Variants in GALNT6 observed in about 807,000 individuals in gnomAD.
GALNT6 encodes polypeptide N-acetylgalactosaminyltransferase 6, also known as GalNAc transferase 6.
Under a neutral mutation model 65.9 loss-of-function variants are expected in GALNT6, and 51 were observed. The ratio of observed to expected loss-of-function variants is 0.77; its 90% CI spans 0.62 to 0.98. The LOEUF is 0.98. Among genes scored for constraint, GALNT6 ranks in the 50% least tolerant of loss-of-function variants. The pLI is 0.00. For missense variants in GALNT6, 708 were observed against 803.3 expected (o/e 0.88, Z 1.43); for synonymous variants, 323 against 315.1 (o/e 1.02, Z -0.26).
At chr12:51,364,409 A>G in intron 5 of GALNT6, 54 bp from the exon 6 acceptor site, 1 of 1,272,466 alleles carries the variant, frequency 7.9e-7, no homozygotes, top group Non-Finnish European at 1.1e-6. Flanking sequence ...AGCAGAGCCC[A>G]AGCTGCATCC....
In GALNT6 at chr12:51,379,746, G is replaced by A; in HGVS notation, c.36C>T (p.Arg12=). Residue 12 remains arginine (R), a synonymous_variant, in exon 3 of 12, where the codon CGC becomes CGT. Transcript: ENST00000356317. ...CAAAGGCGCAGCCCACCATGGCCAG[G>A]CGCAGGGGCATGTGGCGTCTGCGGA... is the stretch of plus-strand genomic sequence containing the variant. ...RLLRRRHMPL[R]LAMVGCAFVL... 1 of 1,611,920 alleles carries A rather than the reference G, an allele frequency of 6.2e-7. No individual in the cohort carries two copies. The highest frequency in any genetic ancestry group is 8.5e-7 in the Non-Finnish European group (1 of 1,179,874).
chr12:51,359,272 G>A lies in GALNT6; in HGVS notation c.1228C>T (p.Arg410Trp), dbSNP rs763550874. 1.4e-5 allele frequency: 22 copies of A among 1,613,918 alleles called. No homozygotes were observed. The highest frequency in any genetic ancestry group is 5.3e-5 in the African/African-American group (4 of 74,900). ...GGGAAGGTGTGGGGGCTCTTGGTCC[G>A]GAACACATGGCCTACGACAGAGCAG... ...IPCSVVGHVF[R>W]TKSPHTFPKG... The change falls in exon 8 of 12, where the codon CGG (arginine) becomes TGG (tryptophan). Residue 410 changes from arginine (R) to tryptophan (W), a missense_variant. Arg to Trp is a moderately radical substitution (Grantham distance 101). Coordinates refer to ENST00000356317, the MANE Select transcript of GALNT6 (RefSeq NM_007210.4).
At chr12:51,372,333 C>G (rs556882135) in intron 4 of GALNT6, among the ~76,000 whole-genome samples, 1 of 152,248 alleles carries the variant, frequency 6.6e-6, no homozygotes, top group South Asian at 2.1e-4. Context: ...CTCAGCCTCT[C>G]GAGTAGCTGG....
intron 6 of GALNT6, among the ~76,000 whole-genome samples, chr12:51,361,748 T>C (rs889588988): frequency 1.3e-5 from 2 of 151,666 alleles, no homozygotes; most frequent in African/African-American, 4.9e-5. Flanking sequence ...TGGGGGCCGG[T>C]GAGACATGGC....
At chr12:51,375,926 T>C (rs1275086244) in intron 4 of GALNT6, among the ~76,000 whole-genome samples, 1 of 151,956 alleles carries the variant, frequency 6.6e-6, no homozygotes, top group Non-Finnish European at 1.5e-5. Flanking sequence ...AGTGGTGCCA[T>C]CTTGGCTCAC....
In GALNT6 at chr12:51,354,115, C is replaced by T; in HGVS notation, c.*264G>A. ...GCTGCCCTGAACCCTCCCCCAGCTG[C>T]CTTCCCTACTTTGGGAGCCTCTATT... On this transcript the variant is annotated 3_prime_UTR_variant, in exon 12 of 12. Coordinates refer to ENST00000356317, the MANE Select transcript of GALNT6 (RefSeq NM_007210.4). 2.7e-6 allele frequency: 1 copy of T among 372,922 alleles called. No homozygotes were observed. The highest frequency in any genetic ancestry group is 4.7e-6 in the Non-Finnish European group (1 of 211,314). 23.1% of individuals were successfully genotyped at this position (372,922 alleles called of 1,614,324 possible).
intron 2 of GALNT6, among the ~76,000 whole-genome samples, chr12:51,389,346 C>T (rs1316602929): frequency 6.6e-6 from 1 of 152,334 alleles, no homozygotes; most frequent in South Asian, 2.1e-4. Flanking sequence ...AATCAAGTTA[C>T]AGTTATCTTC....
At chr12:51,365,603 G>T in intron 4 of GALNT6, 24 bp from the exon 5 acceptor site, 7 of 1,609,732 alleles carry the variant, frequency 4.3e-6, no homozygotes, top group Non-Finnish European at 5.1e-6. Flanking sequence ...TGTCATTGTG[G>T]CCAGTCCACC....
At chr12:51,364,426 G>T in intron 5 of GALNT6, 71 bp from the exon 6 acceptor site, 1 of 1,055,596 alleles carries the variant, frequency 9.5e-7, no homozygotes. Context: ...ATCCTGGAGG[G>T]AATGCCCAGG....
In GALNT6 at chr12:51,364,245, C is replaced by T. The variant is rs141181030; in HGVS notation, c.925G>A (p.Ala309Thr). Residue 309 changes from alanine to threonine, a missense_variant, in exon 6 of 12, where the codon GCC (alanine) becomes ACC (threonine). Ala to Thr is a moderately conservative substitution (Grantham distance 58). Transcript: ENST00000356317. The stretch of plus-strand genomic sequence containing the variant: ...ACTCTGCCCCTCTGGACGGGCTTGG[C>T]GAACTCAAAAGTATTAAGGTCGATG... ...VTIDLNTFEF[A>T]KPVQRGRVHS... 4.1e-4 allele frequency: 665 copies of T among 1,614,040 alleles called. 1 individual carries two copies. In the African/African-American group the frequency reaches 8.0e-3, roughly 19 times the overall value.
At chr12:51,358,363 C>T in intron 8 of GALNT6, 102 bp from the exon 9 acceptor site, 1 of 1,351,272 alleles carries the variant, frequency 7.4e-7, no homozygotes, top group Non-Finnish European at 1.0e-6. Flanking sequence ...TGCAGTGGTG[C>T]AATCTCGGCT....
At chr12:51,368,482 A>G (rs1947185075) in intron 4 of GALNT6, among the ~76,000 whole-genome samples, 1 of 147,994 alleles carries the variant, frequency 6.8e-6, no homozygotes, top group African/African-American at 2.5e-5. Flanking sequence ...TCGACTCACC[A>G]CAACCTCCAC....
intron 4 of GALNT6, among the ~76,000 whole-genome samples, chr12:51,373,998 C>A (rs565200433): frequency 6.6e-6 from 1 of 152,080 alleles, no homozygotes; most frequent in South Asian, 2.1e-4. Context: ...TAGCTGGAAC[C>A]ACAGGCACAT....
intron 10 of GALNT6, among the ~76,000 whole-genome samples, chr12:51,357,096 TAGCCTCCTCA>T (rs1946770002): frequency 6.6e-6 from 1 of 152,292 alleles, no homozygotes; most frequent in African/African-American, 2.4e-5. Flanking sequence ...CCCCAGCAGC[TAGCCTCCTCA>T]AGCCTCCTCT....
chr12:51,389,702 C>T (rs1947966916), intron 2 of GALNT6, among the ~76,000 whole-genome samples: 1 of 152,214 alleles, frequency 6.6e-6, no homozygotes, highest in Non-Finnish European at 1.5e-5. Flanking sequence ...GTTAGCTGCC[C>T]CTCCTGGTCC....
At position 51,377,314 on chromosome 12, in the gene GALNT6, A is replaced by T. The variant is rs753412583; in HGVS notation, c.545T>A (p.Ile182Asn). Residue 182 changes from isoleucine (I) to asparagine (N), a missense_variant, in exon 4 of 12, where the codon ATC (isoleucine) becomes AAC (asparagine). Transcript: ENST00000356317. ...CCAGGCTTCGTTGTGGAACACAATG[A>T]TCACGCTGGTGGTGGCCAGTGGGGG... ...RCPPLATTSVIIVFHNEAWST... is the reference protein window; with the variant it reads ...RCPPLATTSVNIVFHNEAWST... 1.5e-5 allele frequency: 25 copies of T among 1,613,138 alleles called. No individual in the cohort carries two copies. Among genetic ancestry groups the T allele is most frequent in the Non-Finnish European group, 2.1e-5 (25 of 1,180,010 alleles).
rs1211790027 is a variant in GALNT6 at position 51,351,329 on chromosome 12, C to G, written c.*3050G>C. On this transcript the variant is annotated 3_prime_UTR_variant, in exon 12 of 12. Transcript: ENST00000356317. Reference sequence around the variant, plus strand: ...GAATGGAGCAAGAGCTCCGTGAAGGCTAAAGTGCCTAGGGCCCCTGAAATT... The same window carrying G: ...GAATGGAGCAAGAGCTCCGTGAAGGGTAAAGTGCCTAGGGCCCCTGAAATT... The G allele has an allele frequency of 6.6e-6, 1 of 152,166 alleles. No homozygotes were observed. Among genetic ancestry groups the G allele is most frequent in the African/African-American group, 2.4e-5 (1 of 41,438 alleles). 9.4% of individuals were successfully genotyped at this position (152,166 alleles called of 1,614,324 possible).
chr12:51,361,988 T>C (rs1038366706), intron 6 of GALNT6, among the ~76,000 whole-genome samples: 2 of 152,184 alleles, frequency 1.3e-5, no homozygotes, highest in African/African-American at 4.8e-5. Context: ...TGTTACCCTG[T>C]GGTTGCTCTT....
Position 51,354,492 on chromosome 12 carries a change from C to G in GALNT6, c.1756G>C (p.Asp586His). 6.3e-7 allele frequency: 1 copy of G among 1,589,278 alleles called. No individual in the cohort carries two copies. The highest frequency in any genetic ancestry group is 8.6e-7 in the Non-Finnish European group (1 of 1,165,584). The change falls in exon 12 of 12, where the codon GAT becomes CAT. Residue 586 changes from aspartate (D) to histidine (H), a missense_variant and splice_region_variant. Asp to His is a moderately conservative substitution (Grantham distance 81). Coordinates refer to ENST00000356317, the MANE Select transcript of GALNT6 (RefSeq NM_007210.4). ...PKDEEWELAQ[D>H]QLIRNSGSGT... Reference sequence around the variant, plus strand: ...GATCCTGAGTTCCTGATGAGCTGATCCTAAAAGATGACAAAGCAAAAGGTC... The same window carrying G: ...GATCCTGAGTTCCTGATGAGCTGATGCTAAAAGATGACAAAGCAAAAGGTC...
Sources: allele counts gnomAD v4.1 joint callset (sites outside exome capture counted in the v4.1 genomes callset), GRCh38; gene constraint gnomAD v4.1.1; transcripts MANE v1.5; gene names NCBI Gene and HGNC (gene_info 2026-07-23, HGNC 2026-07-21).